Variants in EXOC3L2 observed in about 807,000 individuals in gnomAD.
EXOC3L2 encodes the protein exocyst complex component 3 like 2, also known as exocyst complex component 3-like protein 2.
Under a neutral mutation model 44.4 loss-of-function variants are expected in EXOC3L2, and 17 were observed. The ratio of observed to expected loss-of-function variants is 0.38; its 90% CI spans 0.26 to 0.57. The LOEUF (loss-of-function observed/expected upper bound fraction) is 0.57, where lower values mean the gene tolerates loss of function less well. Ranked by LOEUF, EXOC3L2 falls within the 20% of genes least tolerant of loss-of-function variation. EXOC3L2 has a pLI of 0.65. For synonymous variants in EXOC3L2, 256 were observed against 253.7 expected, an observed-to-expected ratio of 1.01 and a Z score of -0.09; for missense variants, 541 against 588.4, an observed-to-expected ratio of 0.92 and a Z score of 0.83.
At chr19:45,223,264 G>A (rs533314405) in intron 8 of EXOC3L2, among the ~76,000 whole-genome samples, 7 of 152,202 alleles carry the variant, frequency 4.6e-5, no homozygotes, top group South Asian at 2.1e-4. Context: ...GGTGGCAACC[G>A]CTATAGCATG....
chr19:45,239,402 G>A (rs1970112573), intron 1 of EXOC3L2, among the ~76,000 whole-genome samples: 1 of 151,182 alleles, frequency 6.6e-6, no homozygotes, highest in Non-Finnish European at 1.5e-5. Context: ...ATTTTTAGTA[G>A]AGACGGGGTT....
chr19:45,227,822 C>T lies in EXOC3L2; in HGVS notation c.1473-50G>A, dbSNP rs1182707006. ...AGGGCGCCACTGGGTCAGGGTCCCT[C>T]GTGGGCACCCAGCCTGCCAAAGCCA... On this transcript the variant is annotated intron_variant, in intron 6 of 11. Transcript: ENST00000413988. 19 of 1,564,716 alleles carry T rather than the reference C, an allele frequency of 1.2e-5. No homozygotes were observed. In the Middle Eastern group the frequency reaches 9.2e-4, roughly 75 times the overall value.
chr19:45,222,389 C>A (rs528829457), intron 8 of EXOC3L2, among the ~76,000 whole-genome samples: 1 of 151,888 alleles, frequency 6.6e-6, no homozygotes, highest in African/African-American at 2.4e-5. Context: ...TTAGTAGAGA[C>A]GGGGTTTCAC....
chr19:45,217,390 T>G, intron 10 of EXOC3L2, 138 bp downstream of exon 10: 1 of 1,089,438 alleles, frequency 9.2e-7, no homozygotes, highest in Non-Finnish European at 1.2e-6. Flanking sequence ...AGTTACTGGT[T>G]GCTATTGACC....
chr19:45,233,138 C>T (rs1187439569), intron 3 of EXOC3L2, among the ~76,000 whole-genome samples: 1 of 152,120 alleles, frequency 6.6e-6, no homozygotes, highest in Non-Finnish European at 1.5e-5. Flanking sequence ...ATCACTTGAA[C>T]CCGGGAGGCG....
At chr19:45,243,016 T>C (rs1404997817) in intron 1 of EXOC3L2, among the ~76,000 whole-genome samples, 1 of 152,196 alleles carries the variant, frequency 6.6e-6, no homozygotes, top group Non-Finnish European at 1.5e-5. Context: ...CCATGCTCCA[T>C]AGACTTGTAT....
At chr19:45,226,599 G>GCTAATTTT (rs1394536677) in intron 7 of EXOC3L2, among the ~76,000 whole-genome samples, 3 of 151,870 alleles carry the variant, frequency 2.0e-5, no homozygotes, top group African/African-American at 7.3e-5. Flanking sequence ...ATCATGCCCA[G>GCTAATTTT]CTAATTTTTG....
intron 1 of EXOC3L2, among the ~76,000 whole-genome samples, chr19:45,244,653 C>T (rs769996804): frequency 3.3e-5 from 5 of 152,116 alleles, no homozygotes; most frequent in Middle Eastern, 3.2e-3. Flanking sequence ...TTGAGCCCCT[C>T]CTCCTCTTCC....
intron 4 of EXOC3L2, among the ~76,000 whole-genome samples, chr19:45,230,150 A>G (rs1970015203): frequency 6.6e-6 from 1 of 151,740 alleles, no homozygotes; most frequent in African/African-American, 2.4e-5. Context: ...ATTCTTGAGT[A>G]GCTGAGACTA....
At chr19:45,217,729 C>A (rs567037831) in intron 9 of EXOC3L2, 46 bp from the exon 10 acceptor site, 406 of 1,383,082 alleles carry the variant, frequency 2.9e-4, no homozygotes, top group Non-Finnish European at 3.7e-4. Context: ...CCATGCCCCA[C>A]GGACTCCCAT....
chr19:45,240,884 A>G (rs1219074004), intron 1 of EXOC3L2, among the ~76,000 whole-genome samples: 4 of 152,146 alleles, frequency 2.6e-5, no homozygotes, highest in African/African-American at 7.2e-5. Flanking sequence ...GGCCTGGGCA[A>G]TAGAGCAAGA....
intron 11 of EXOC3L2, among the ~76,000 whole-genome samples, chr19:45,215,070 C>T (rs921168642): frequency 2.0e-5 from 3 of 151,796 alleles, no homozygotes; most frequent in African/African-American, 7.3e-5. Context: ...CTCTTGAACC[C>T]GGGAGGCAGA....
At chr19:45,230,276 T>A (rs565831424) in intron 4 of EXOC3L2, among the ~76,000 whole-genome samples, 27 of 152,150 alleles carry the variant, frequency 1.8e-4, no homozygotes, top group Admixed American at 3.9e-4. Flanking sequence ...TGGAGTGCAG[T>A]GGTGCGATCT....
At position 45,224,881 on chromosome 19, in the gene EXOC3L2, G is replaced by T. The variant is rs1232595855; in HGVS notation, c.1616C>A (p.Pro539His). Residue 539 changes from proline (P) to histidine (H), a missense_variant, in exon 8 of 12, where the codon CCC (proline) becomes CAC (histidine). By Grantham distance (77) the Pro-to-His change is moderately conservative. Coordinates refer to ENST00000413988, the MANE Select transcript of EXOC3L2 (RefSeq NM_001382422.1). ...TTCCCGGGCCGGCTCGCTTTCTGGG[G>T]GCCCCACCCGGGCCAGGCGCTCGGC... ...ALAERLARVG[P>H]PESEPAREAS... 1.3e-6 allele frequency: 2 copies of T among 1,566,972 alleles called. No individual in the cohort carries two copies. Among genetic ancestry groups the T allele is most frequent in the Non-Finnish European group, 1.7e-6 (2 of 1,154,534 alleles).
chr19:45,224,803 G>C lies in EXOC3L2; in HGVS notation c.1694C>G (p.Ala565Gly). The change falls in exon 8 of 12, where the codon GCC (alanine) becomes GGC (glycine). Residue 565 changes from alanine to glycine, a missense_variant. Coordinates refer to ENST00000413988, the MANE Select transcript of EXOC3L2 (RefSeq NM_001382422.1). ...HVTRLCHRVV[A>G]NLLFQELQPH... ...CTGCAGCTCCTGGAACAGCAGGTTG[G>C]CCACGACACGGTGGCAGAGCCGGGT... 1 of 1,564,496 alleles carries C rather than the reference G, an allele frequency of 6.4e-7. No homozygotes were observed. Among genetic ancestry groups the C allele is most frequent in the African/African-American group, 1.4e-5 (1 of 73,780 alleles).
intron 9 of EXOC3L2, among the ~76,000 whole-genome samples, chr19:45,217,931 T>G (rs1969854454): frequency 1.3e-5 from 2 of 151,710 alleles, no homozygotes; most frequent in African/African-American, 2.4e-5. Context: ...CCTCTCCCCA[T>G]TCCCCAAGCT....
chr19:45,231,299 C>G (rs1305720782), intron 4 of EXOC3L2, among the ~76,000 whole-genome samples: 1 of 151,732 alleles, frequency 6.6e-6, no homozygotes, highest in African/African-American at 2.4e-5. Context: ...AGTAATTAAC[C>G]ATGTTTATTA....
intron 2 of EXOC3L2, among the ~76,000 whole-genome samples, chr19:45,235,895 G>A (rs986830899): frequency 6.6e-6 from 1 of 152,158 alleles, no homozygotes; most frequent in Non-Finnish European, 1.5e-5. Flanking sequence ...CGGGCCTCGG[G>A]GCTAAAAGCC....
chr19:45,236,193 C>T lies in EXOC3L2; in HGVS notation c.524-1367G>A, dbSNP rs888149935. On this transcript the variant is annotated intron_variant, in intron 2 of 11. Transcript: ENST00000413988. The stretch of plus-strand genomic sequence containing the variant: ...AGGACATAAAGATTGATGTGAAGGC[C>T]GAGTGCGGTGGCTCATGCCTGTACT... Among the ~76,000 whole-genome samples the T allele has an allele frequency of 2.5e-4, 38 of 151,728 alleles. 1 individual carries two copies. Among genetic ancestry groups the T allele is most frequent in the Admixed American group, 2.2e-3 (33 of 15,212 alleles).
Sources: gnomAD v4.1 joint callset for allele counts (sites outside exome capture counted in the v4.1 genomes callset) on GRCh38, gnomAD v4.1.1 for gene constraint, MANE v1.5 for transcripts, NCBI Gene and HGNC (gene_info 2026-07-23, HGNC 2026-07-21) for gene names.